Variants in C12orf43 observed in about 807,000 individuals in gnomAD.
The protein encoded by C12orf43 is protein CUSTOS.
C12orf43 carries 15 observed loss-of-function variants against 20.6 expected under a neutral mutation model. The ratio of observed to expected loss-of-function variants is 0.73; its 90% CI spans 0.49 to 1.12. The LOEUF is 1.12. C12orf43 is among the 50% of genes most tolerant of loss of function. The pLI is 0.00. For missense variants in C12orf43, 334 were observed against 344.4 expected (o/e 0.97, Z 0.24); for synonymous variants, 144 against 130.8 (o/e 1.10, Z -0.69).
In C12orf43 at chr12:121,003,582, T is replaced by C. The variant is rs1244571532; in HGVS notation, c.*571A>G. On this transcript the variant is annotated 3_prime_UTR_variant, in exon 6 of 6. Coordinates refer to ENST00000288757, the MANE Select transcript of C12orf43 (RefSeq NM_022895.3). ...GGCTCAGAGACACCATCATGTGTGGTATATTCACAAATGCAGACAAAGAAA... is the reference window on the plus strand; with the variant it reads ...GGCTCAGAGACACCATCATGTGTGGCATATTCACAAATGCAGACAAAGAAA... 1 of 154,010 alleles carries C rather than the reference T, an allele frequency of 6.5e-6. No homozygotes were observed. Among genetic ancestry groups the C allele is most frequent in the Non-Finnish European group, 1.4e-5 (1 of 69,308 alleles). The allele number at this position is 154,010 out of a possible 1,614,324, so 9.5% of individuals were successfully genotyped here. A position where few individuals can be genotyped will look rare whatever the true frequency, so the allele number is the denominator to read the frequency against.
At chr12:121,014,034 G>A (rs1868637893) in intron 1 of C12orf43, among the ~76,000 whole-genome samples, 3 of 152,174 alleles carry the variant, frequency 2.0e-5, no homozygotes, top group African/African-American at 7.2e-5. Context: ...ACGCACTCAA[G>A]AATGTAATCT....
At chr12:121,015,944 G>A (rs1402775501) in intron 1 of C12orf43, among the ~76,000 whole-genome samples, 1 of 152,168 alleles carries the variant, frequency 6.6e-6, no homozygotes, top group East Asian at 1.9e-4. Context: ...CGGTCAGAGT[G>A]ATGTGCTGGG....
rs1877479866 is a variant in C12orf43, at chr12:121,001,485, T to C, written c.*2668A>G. On this transcript the variant is annotated 3_prime_UTR_variant, in exon 6 of 6. Transcript: ENST00000288757. ...GCTTCGTGGGATACAGTCTTCTTAC[T>C]TGGAACTGAAGGGGGCGGCCTATGA... is the stretch of plus-strand genomic sequence containing the variant. 4.2e-6 allele frequency: 2 copies of C among 479,148 alleles called. No homozygotes were observed. Among genetic ancestry groups the C allele is most frequent in the Admixed American group, 3.3e-5 (1 of 30,098 alleles). The allele number at this position is 479,148 out of a possible 1,614,324, so 29.7% of individuals were successfully genotyped here.
intron 1 of C12orf43, among the ~76,000 whole-genome samples, chr12:121,015,133 C>T (rs1211896301): frequency 6.6e-6 from 1 of 152,172 alleles, no homozygotes; most frequent in Non-Finnish European, 1.5e-5. Flanking sequence ...ACTACCCGCA[C>T]TGTACAGATG....
chr12:121,009,965 T>C lies in C12orf43; in HGVS notation c.287+863A>G, dbSNP rs151237982. On this transcript the variant is annotated intron_variant, in intron 3 of 5. Transcript: ENST00000288757. ...TGTGGCGGGAATGAGCTTCTCGATG[T>C]TCCTCTCTTACTCTCATGGTTGCAG... Among the ~76,000 whole-genome samples, 167 of 152,318 alleles carry C rather than the reference T, an allele frequency of 1.1e-3. 2 individuals carry two copies. In the East Asian group the frequency reaches 0.029, roughly 26 times the overall value.
In C12orf43 at chr12:121,016,343, C is replaced by G; in HGVS notation, c.132G>C (p.Gly44=). ...WGLEQRPHVA[G]KPRAGAANSQ... is the part of the protein sequence containing the mutation. The stretch of plus-strand genomic sequence containing the variant: ...ATAGTACCCTACCGGCTCTTGGCTT[C>G]CCTGCCACGTGCGGGCGTTGCTCCA... The change falls in exon 1 of 6, where the codon GGG becomes GGC. Residue 44 remains glycine (G), a synonymous_variant. Transcript: ENST00000288757. 1 of 1,613,812 alleles carries G rather than the reference C, an allele frequency of 6.2e-7. No individual in the cohort carries two copies. Among genetic ancestry groups the G allele is most frequent in the Non-Finnish European group, 8.5e-7 (1 of 1,180,040 alleles).
chr12:121,016,152 T>G, intron 1 of C12orf43, 178 bp downstream of exon 1: 2 of 962,800 alleles, frequency 2.1e-6, no homozygotes, highest in Non-Finnish European at 3.2e-6. Context: ...ACTGGAATAA[T>G]GAAATACCCT....
intron 3 of C12orf43, among the ~76,000 whole-genome samples, chr12:121,009,590 C>T (rs1311622466): frequency 6.6e-6 from 1 of 152,166 alleles, no homozygotes; most frequent in Non-Finnish European, 1.5e-5. Context: ...AGAGACCCCT[C>T]GCCCATGCCA....
chr12:121,005,944 T>TAGATCTC lies in C12orf43; in HGVS notation c.361+376_361+377insGAGATCT. 5.8e-6 allele frequency: 1 copy of TAGATCTC among 171,530 alleles called. No individual in the cohort carries two copies. The highest frequency in any genetic ancestry group is 1.4e-4 in the South Asian group (1 of 6,944). The allele number at this position is 171,530 out of a possible 1,614,324, so 10.6% of individuals were successfully genotyped here. A position where few individuals can be genotyped will look rare whatever the true frequency, so the allele number is the denominator to read the frequency against. ...AAAAAATACAAAAATTAGCCAGGTG[T>TAGATCTC]GGTGGTGCACGCCTGTAGTCCCAGA... On this transcript the variant is annotated intron_variant, in intron 4 of 5. Coordinates refer to ENST00000288757, the MANE Select transcript of C12orf43 (RefSeq NM_022895.3). This position sits in a 1 kb window ranked among gnomAD's most constrained non-coding sequence, Gnocchi z 5.6.
Position 121,003,732 on chromosome 12 carries a change from T to G in C12orf43, c.*421A>C. The G allele has an allele frequency of 5.7e-6, 1 of 174,128 alleles. No homozygotes were observed. The highest frequency in any genetic ancestry group is 1.2e-5 in the Non-Finnish European group (1 of 81,938). The allele number at this position is 174,128 out of a possible 1,614,324, so 10.8% of individuals were successfully genotyped here. On this transcript the variant is annotated 3_prime_UTR_variant, in exon 6 of 6. Coordinates refer to ENST00000288757, the MANE Select transcript of C12orf43 (RefSeq NM_022895.3). ...GGCCTCTTGGGGATCCCTTCTCTCA[T>G]TTTCTAAAAACTGTTTCTCACACCA...
At position 121,001,304 on chromosome 12, in the gene C12orf43, A is replaced by G. The variant is rs891922993; in HGVS notation, c.*2849T>C. ...GCCGAGCAACCGTGGCCCTTCCTGG[A>G]CAGCTGTGCCTCGCTCCCCACTCTG... On this transcript the variant is annotated 3_prime_UTR_variant, in exon 6 of 6. Transcript: ENST00000288757. 39 of 1,331,622 alleles carry G rather than the reference A, an allele frequency of 2.9e-5. No homozygotes were observed. Among genetic ancestry groups the G allele is most frequent in the Non-Finnish European group, 4.1e-5 (39 of 955,620 alleles). 82.5% of individuals were successfully genotyped at this position (1,331,622 alleles called of 1,614,324 possible).
rs977764290 is a variant in C12orf43 at position 121,004,673 on chromosome 12, T to G, written c.453-184A>C. 6.6e-6 allele frequency among the ~76,000 whole-genome samples: 1 copy of G among 152,172 alleles called. No individual in the cohort carries two copies. Among genetic ancestry groups the G allele is most frequent in the African/African-American group, 2.4e-5 (1 of 41,440 alleles). On this transcript the variant is annotated intron_variant, in intron 5 of 5. Transcript: ENST00000288757. This position sits in a 1 kb window ranked among gnomAD's most constrained non-coding sequence, Gnocchi z 5.6. Reference sequence around the variant, plus strand: ...TACTGGCTTCTGGGCGTAGCAGCCTTGTGACCTCCTTAAGTGACTTAACCT... The same window carrying G: ...TACTGGCTTCTGGGCGTAGCAGCCTGGTGACCTCCTTAAGTGACTTAACCT...
At position 121,001,164 on chromosome 12, in the gene C12orf43, C is replaced by T. The variant is rs1370787919; in HGVS notation, c.*2989G>A. ...CACAGCGTCATCGAGACCTTCATCTCCACCCAGATGGCCTCTTCCTCCCAG... is the reference window on the plus strand; with the variant it reads ...CACAGCGTCATCGAGACCTTCATCTTCACCCAGATGGCCTCTTCCTCCCAG... On this transcript the variant is annotated 3_prime_UTR_variant, in exon 6 of 6. Transcript: ENST00000288757. The T allele has an allele frequency of 1.2e-6, 2 of 1,614,022 alleles. No individual in the cohort carries two copies. The highest frequency in any genetic ancestry group is 1.7e-5 in the Admixed American group (1 of 60,008).
rs756416683 is a variant in C12orf43 at position 121,001,096 on chromosome 12, C to T, written c.*3057G>A. 6.1e-5 allele frequency: 98 copies of T among 1,613,906 alleles called. 1 individual carries two copies. In the South Asian group the frequency reaches 7.8e-4, roughly 13 times the overall value. ...CCAGCAGCCTGGTGCTGTACCAGAG[C>T]TCAGACTCCAGCAATGGCCAGAGCC... is the stretch of plus-strand genomic sequence containing the variant. On this transcript the variant is annotated 3_prime_UTR_variant, in exon 6 of 6. Transcript: ENST00000288757.
intron 1 of C12orf43, among the ~76,000 whole-genome samples, chr12:121,011,425 T>A (rs1021967422): frequency 2.7e-5 from 4 of 148,048 alleles, no homozygotes; most frequent in African/African-American, 9.8e-5. Flanking sequence ...TAACTTAAAA[T>A]ATATATATAA....
chr12:121,004,247 G>C lies in C12orf43; in HGVS notation c.695C>G (p.Ser232Trp). The change falls in exon 6 of 6, where the codon TCG becomes TGG. Residue 232 changes from serine (S) to tryptophan (W), a missense_variant. Ser to Trp is a radical substitution (Grantham distance 177, BLOSUM62 -3). Coordinates refer to ENST00000288757, the MANE Select transcript of C12orf43 (RefSeq NM_022895.3). This position sits in a 1 kb window ranked among gnomAD's most constrained non-coding sequence, Gnocchi z 5.6. ...CTTTTTCTTCTTTTTGGTCCCAAGC[G>C]ACACCTGGTCCCCGTTGAGCTCACC... Reference protein sequence around the residue: ...KSGELNGDQVSLGTKKKKKAK... With the variant: ...KSGELNGDQVWLGTKKKKKAK... 1 of 1,614,196 alleles carries C rather than the reference G, an allele frequency of 6.2e-7. No homozygotes were observed. Among genetic ancestry groups the C allele is most frequent in the Admixed American group, 1.7e-5 (1 of 60,022 alleles).
chr12:121,007,283 G>C, intron 3 of C12orf43: 1 of 152,156 alleles, frequency 6.6e-6, no homozygotes, highest in East Asian at 1.9e-4. Flanking sequence ...TGGTAACATT[G>C]TGCCTCGCTA....
chr12:121,005,202 G>A lies in C12orf43; in HGVS notation c.362-109C>T, dbSNP rs1277439894. On this transcript the variant is annotated intron_variant, in intron 4 of 5. Transcript: ENST00000288757. This position sits in a 1 kb window ranked among gnomAD's most constrained non-coding sequence, Gnocchi z 5.6. Reference sequence around the variant, plus strand: ...AGAAAAAAATTTTAAAAAGGAAAACGAAAGAAAGAAAAGATAAAGAGAAAC... The same window carrying A: ...AGAAAAAAATTTTAAAAAGGAAAACAAAAGAAAGAAAAGATAAAGAGAAAC... The A allele has an allele frequency of 3.9e-5, 22 of 560,938 alleles. No individual in the cohort carries two copies. The highest frequency in any genetic ancestry group is 4.9e-5 in the Non-Finnish European group (19 of 383,918). 34.7% of individuals were successfully genotyped at this position (560,938 alleles called of 1,614,324 possible).
At position 121,004,923 on chromosome 12, in the gene C12orf43, T is replaced by C; in HGVS notation, c.452+80A>G. Reference sequence around the variant, plus strand: ...CCTTGGCCTGGTCCTGACTGGAGTCTGCTTGGCTATTCCAGGGAACCCACC... The same window carrying C: ...CCTTGGCCTGGTCCTGACTGGAGTCCGCTTGGCTATTCCAGGGAACCCACC... On this transcript the variant is annotated intron_variant, in intron 5 of 5. Coordinates refer to ENST00000288757, the MANE Select transcript of C12orf43 (RefSeq NM_022895.3). The surrounding 1 kb of genome is among the most constrained non-coding windows in gnomAD (Gnocchi z 5.6). 2 of 1,082,980 alleles carry C rather than the reference T, an allele frequency of 1.8e-6. No individual in the cohort carries two copies. Among genetic ancestry groups the C allele is most frequent in the Admixed American group, 3.5e-5 (1 of 28,724 alleles). 67.1% of individuals were successfully genotyped at this position (1,082,980 alleles called of 1,614,324 possible).
Sources: allele counts gnomAD v4.1 joint callset (sites outside exome capture counted in the v4.1 genomes callset), GRCh38; gene constraint gnomAD v4.1.1; non-coding constraint Gnocchi (gnomAD v3.1); transcripts MANE v1.5; gene names NCBI Gene and HGNC (gene_info 2026-07-23, HGNC 2026-07-21).